NAALADL2: variants seen among roughly 807,000 people sequenced by gnomAD.
NAALADL2 encodes the protein N-acetylated alpha-linked acidic dipeptidase like 2.
Under a neutral mutation model 87.2 loss-of-function variants are expected in NAALADL2, and 76 were observed. The ratio of observed to expected loss-of-function variants is 0.87; its 90% CI spans 0.72 to 1.05. NAALADL2 has a LOEUF of 1.05. Among genes scored for constraint, NAALADL2 ranks in the 50% least tolerant of loss-of-function variants. The pLI is 0.00. For missense variants in NAALADL2, 1,089 were observed against 945.8 expected (o/e 1.15, Z -1.99); for synonymous variants, 354 against 331.0 (o/e 1.07, Z -0.75).
At chr3:175,199,394 T>C (rs1466286318) in intron 2 of NAALADL2, among the ~76,000 whole-genome samples, 1 of 152,122 alleles carries the variant, frequency 6.6e-6, no homozygotes, top group Non-Finnish European at 1.5e-5. Flanking sequence ...TGCTACTTCT[T>C]GATACCATGC....
intron 3 of NAALADL2, among the ~76,000 whole-genome samples, chr3:174,743,040 C>T (rs1274326581): frequency 6.6e-6 from 1 of 151,648 alleles, no homozygotes; most frequent in African/African-American, 2.4e-5. Context: ...ATTTGTAGCT[C>T]TGTTCTCATC....
intron 4 of NAALADL2, among the ~76,000 whole-genome samples, chr3:175,303,620 T>G (rs779542977): frequency 6.6e-5 from 10 of 152,348 alleles, no homozygotes; most frequent in Non-Finnish European, 1.2e-4. Context: ...AGTTATCATA[T>G]TTCCCTTAAA....
At chr3:174,491,822 TG>T (rs1459988414) in intron 1 of NAALADL2, among the ~76,000 whole-genome samples, 7 of 152,350 alleles carry the variant, frequency 4.6e-5, no homozygotes, top group Admixed American at 4.6e-4. Flanking sequence ...TATTACATCC[TG>T]TAGTTAAATG....
intron 1 of NAALADL2, among the ~76,000 whole-genome samples, chr3:174,473,241 C>T (rs1442319797): frequency 1.3e-5 from 2 of 152,040 alleles, no homozygotes; most frequent in Non-Finnish European, 2.9e-5. Flanking sequence ...GATCAATAGA[C>T]CTGGTTACTG....
At chr3:174,780,912 G>A (rs1051844932) in intron 3 of NAALADL2, among the ~76,000 whole-genome samples, 3 of 152,068 alleles carry the variant, frequency 2.0e-5, no homozygotes, top group Non-Finnish European at 4.4e-5. Context: ...TTCAGTGGCT[G>A]GTACCGGTTT....
At chr3:175,667,241 A>AAGAAAGAAAGAAAGAG (rs1182682303) in intron 11 of NAALADL2, among the ~76,000 whole-genome samples, 11 of 91,786 alleles carry the variant, frequency 1.2e-4, no homozygotes, top group Middle Eastern at 6.2e-3. Flanking sequence ...GAAAGAAAGA[A>AAGAAAGAAAGAAAGAG]AAAGAAAGAA....
intron 2 of NAALADL2, among the ~76,000 whole-genome samples, chr3:175,192,372 A>G (rs1738340484): frequency 1.3e-5 from 2 of 152,250 alleles, no homozygotes; most frequent in East Asian, 1.9e-4. Flanking sequence ...TAAAATTCTT[A>G]TGCTATGAAT....
At chr3:175,406,350 G>T (rs1247092286) in intron 5 of NAALADL2, among the ~76,000 whole-genome samples, 1 of 152,164 alleles carries the variant, frequency 6.6e-6, no homozygotes, top group Non-Finnish European at 1.5e-5. Context: ...TTTGAGTACT[G>T]TCACTCCTGA....
At chr3:174,942,111 G>A (rs1738692146) in intron 1 of NAALADL2, among the ~76,000 whole-genome samples, 1 of 152,038 alleles carries the variant, frequency 6.6e-6, no homozygotes, top group South Asian at 2.1e-4. Flanking sequence ...GTGTGTTTAT[G>A]CAAGTTTTTG....
rs200544257 is a variant in NAALADL2, at chr3:175,371,153, CT to C, written c.1090+46837del. On this transcript the variant is annotated intron_variant, in intron 5 of 13. Transcript: ENST00000454872. ...ATGTATAGTAATTTGCAGTAATTCACTTTTTTTTTATATTTAGCTTCATCTT... is the reference window on the plus strand; with the variant it reads ...ATGTATAGTAATTTGCAGTAATTCACTTTTTTTTATATTTAGCTTCATCTT... Among the ~76,000 whole-genome samples, 908 of 151,464 alleles carry C rather than the reference CT, an allele frequency of 6.0e-3. 12 individuals are homozygous for C. Among genetic ancestry groups the C allele is most frequent in the African/African-American group, 0.02 (843 of 41,314 alleles).
At chr3:174,583,870 A>G (rs957379608) in intron 2 of NAALADL2, among the ~76,000 whole-genome samples, 7 of 152,206 alleles carry the variant, frequency 4.6e-5, no homozygotes, top group African/African-American at 1.7e-4. Flanking sequence ...CTTTAGACAC[A>G]AGGGACTCAT....
chr3:175,290,354 T>C (rs1187337659), intron 4 of NAALADL2, among the ~76,000 whole-genome samples: 2 of 152,208 alleles, frequency 1.3e-5, no homozygotes, highest in Non-Finnish European at 2.9e-5. Context: ...AAAGAGTACA[T>C]ACTTTATGAT....
chr3:175,101,666 G>A (rs1449350370), intron 2 of NAALADL2, among the ~76,000 whole-genome samples: 1 of 152,184 alleles, frequency 6.6e-6, no homozygotes, highest in African/African-American at 2.4e-5. Context: ...GATTAAGTAT[G>A]TTGAAAACTT....
chr3:175,006,003 T>G (rs549295705), intron 1 of NAALADL2, among the ~76,000 whole-genome samples: 2 of 152,332 alleles, frequency 1.3e-5, no homozygotes, highest in South Asian at 4.1e-4. Flanking sequence ...GTGGTTACGA[T>G]GTGCGCGGTA....
At position 175,241,710 on chromosome 3, in the gene NAALADL2, C is replaced by T. The variant is rs886218155; in HGVS notation, c.819+7506C>T. On this transcript the variant is annotated intron_variant, in intron 3 of 13. Coordinates refer to ENST00000454872, the MANE Select transcript of NAALADL2 (RefSeq NM_207015.3). ...TACGTTTTCTACCCGTGAAAGAGAA[C>T]AGAAGCCTATTTTATGAAATAATAG... Among the ~76,000 whole-genome samples the T allele has an allele frequency of 4.0e-4, 61 of 152,140 alleles. No individual in the cohort carries two copies. The East Asian group carries it at 4.1e-3, about 10-fold the overall frequency.
chr3:175,055,602 G>A (rs538257985), intron 1 of NAALADL2, among the ~76,000 whole-genome samples: 1 of 152,218 alleles, frequency 6.6e-6, no homozygotes. Flanking sequence ...GCTCCTCATG[G>A]CGTTTCCCGA....
In NAALADL2 at chr3:175,475,216, C is replaced by CT. The variant is rs980033895; in HGVS notation, c.1653+3464dup. 1.4e-4 allele frequency among the ~76,000 whole-genome samples: 22 copies of CT among 151,998 alleles called. No homozygotes were observed. In the East Asian group the frequency reaches 3.9e-3, roughly 27 times the overall value. On this transcript the variant is annotated intron_variant, in intron 9 of 13. Coordinates refer to ENST00000454872, the MANE Select transcript of NAALADL2 (RefSeq NM_207015.3). ...CTAATTTCTTGGGGGGATAAAAGCC[C>CT]TTTTTTGTAATTTTATTTCCATTGA...
intron 5 of NAALADL2, among the ~76,000 whole-genome samples, chr3:175,356,502 G>A (rs1384065958): frequency 6.6e-6 from 1 of 151,276 alleles, no homozygotes; most frequent in Non-Finnish European, 1.5e-5. Context: ...TTGAGCCCAA[G>A]AGGTTGAGGC....
chr3:175,616,363 A>G (rs1478483012), intron 10 of NAALADL2, among the ~76,000 whole-genome samples: 1 of 151,370 alleles, frequency 6.6e-6, no homozygotes, highest in South Asian at 2.1e-4. Flanking sequence ...ATCACTATTA[A>G]ATCAGTAGTA....
Sources: allele counts gnomAD v4.1 joint callset (sites outside exome capture counted in the v4.1 genomes callset), GRCh38; gene constraint gnomAD v4.1.1; transcripts MANE v1.5; gene names NCBI Gene and HGNC (gene_info 2026-07-23, HGNC 2026-07-21).